GRID2: variants seen among roughly 807,000 people sequenced by gnomAD.
GRID2 encodes glutamate receptor ionotropic, delta-2.
GRID2 carries 33 observed loss-of-function variants against 114.8 expected under a neutral mutation model. The ratio of observed to expected loss-of-function variants is 0.29; its 90% CI spans 0.22 to 0.38. GRID2 has a LOEUF of 0.38. Ranked by LOEUF, GRID2 falls within the 10% of genes least tolerant of loss-of-function variation. GRID2 has a pLI of 1.00. For missense variants in GRID2, 1,184 were observed against 1,257.7 expected, an observed-to-expected ratio of 0.94 and a Z score of 0.89; for synonymous variants, 505 against 449.9, an observed-to-expected ratio of 1.12 and a Z score of -1.55.
chr4:92,731,870 A>G (rs1445700028), intron 2 of GRID2, among the ~76,000 whole-genome samples: 1 of 151,952 alleles, frequency 6.6e-6, no homozygotes, highest in Non-Finnish European at 1.5e-5. Context: ...TTTGACCATC[A>G]CAATTTTATA....
At chr4:92,644,834 A>G (rs1425753794) in intron 2 of GRID2, among the ~76,000 whole-genome samples, 5 of 151,708 alleles carry the variant, frequency 3.3e-5, no homozygotes, top group Non-Finnish European at 7.4e-5. Flanking sequence ...TATAAGTCAA[A>G]ATACTACATC....
chr4:92,317,346 T>G (rs1382480287), intron 1 of GRID2, among the ~76,000 whole-genome samples: 1 of 152,192 alleles, frequency 6.6e-6, no homozygotes, highest in Non-Finnish European at 1.5e-5. Flanking sequence ...GGCATAACTA[T>G]TATTAGGAAA....
At chr4:93,617,371 G>A (rs749191252) in intron 13 of GRID2, among the ~76,000 whole-genome samples, 2 of 152,200 alleles carry the variant, frequency 1.3e-5, no homozygotes, top group Non-Finnish European at 2.9e-5. Flanking sequence ...GGGAGACACA[G>A]AATCTTTTGA....
intron 14 of GRID2, among the ~76,000 whole-genome samples, chr4:93,628,426 G>A (rs1742927923): frequency 6.6e-6 from 1 of 152,052 alleles, no homozygotes; most frequent in Non-Finnish European, 1.5e-5. Flanking sequence ...ACAGCATACA[G>A]AGTAGTTAAG....
intron 1 of GRID2, among the ~76,000 whole-genome samples, chr4:92,540,743 C>T (rs1191126852): frequency 6.6e-6 from 1 of 152,132 alleles, no homozygotes; most frequent in African/African-American, 2.4e-5. Flanking sequence ...GGCAATTCCT[C>T]AGGGATCTAG....
rs574186489 is a variant in GRID2 at position 92,443,029 on chromosome 4, G to A, written c.88+138285G>A. 5.9e-5 allele frequency among the ~76,000 whole-genome samples: 9 copies of A among 151,784 alleles called. No individual in the cohort carries two copies. In the East Asian group the frequency reaches 1.6e-3, roughly 26 times the overall value. On this transcript the variant is annotated intron_variant, in intron 1 of 15. Transcript: ENST00000282020. ...TGGCGAGGAGCAGCCTGGGGAGGAA[G>A]GGAGAGGTCAGATGGGTCTGTAGAA...
At chr4:92,700,485 T>C (rs1344344012) in intron 2 of GRID2, among the ~76,000 whole-genome samples, 1 of 152,202 alleles carries the variant, frequency 6.6e-6, no homozygotes. Flanking sequence ...GGGGGAAATG[T>C]GCATAGTAGG....
chr4:92,884,928 G>T, intron 2 of GRID2: 1 of 341,646 alleles, frequency 2.9e-6, no homozygotes, highest in South Asian at 2.6e-5. Flanking sequence ...GTGACATTTG[G>T]TCTCCCCAAA....
chr4:92,442,449 T>C (rs1204629326), intron 1 of GRID2, among the ~76,000 whole-genome samples: 1 of 152,016 alleles, frequency 6.6e-6, no homozygotes, highest in African/African-American at 2.4e-5. Context: ...GAGGAGGTTC[T>C]GGAGGAACGC....
chr4:92,631,831 C>T (rs1002981489), intron 2 of GRID2, among the ~76,000 whole-genome samples: 7 of 152,018 alleles, frequency 4.6e-5, no homozygotes, highest in Admixed American at 6.6e-5. Context: ...TTCATTTAGT[C>T]GCAAGAGAAA....
chr4:92,813,135 T>C (rs943958718), intron 2 of GRID2, among the ~76,000 whole-genome samples: 2 of 152,152 alleles, frequency 1.3e-5, no homozygotes, highest in African/African-American at 4.8e-5. Flanking sequence ...GTTTACAATA[T>C]GGACTGTGAA....
rs142712889 is a variant in GRID2 at position 93,231,319 on chromosome 4, T to C, written c.1125+6544T>C. 4.9e-3 allele frequency among the ~76,000 whole-genome samples: 736 copies of C among 151,100 alleles called. 7 individuals are homozygous for C. The highest frequency in any genetic ancestry group is 0.017 in the African/African-American group (710 of 41,154). On this transcript the variant is annotated intron_variant, in intron 7 of 15. Coordinates refer to ENST00000282020, the MANE Select transcript of GRID2 (RefSeq NM_001510.4). ...ATGTATTAATCACTCTTTTAACAGG[T>C]ATTTATCAAATTTCTATATTGTAGA...
chr4:93,237,575 G>T (rs1366151079), intron 7 of GRID2, among the ~76,000 whole-genome samples: 1 of 151,848 alleles, frequency 6.6e-6, no homozygotes, highest in Admixed American at 6.6e-5. Context: ...AAAATTTTAA[G>T]TTAGACATAT....
At chr4:93,299,227 T>C (rs1044985302) in intron 8 of GRID2, among the ~76,000 whole-genome samples, 5 of 152,096 alleles carry the variant, frequency 3.3e-5, no homozygotes, top group Non-Finnish European at 5.9e-5. Flanking sequence ...CCACTATGCA[T>C]TCAGGTAGTT....
chr4:92,572,748 A>G (rs1365164929), intron 1 of GRID2, among the ~76,000 whole-genome samples: 3 of 152,052 alleles, frequency 2.0e-5, no homozygotes, highest in Admixed American at 1.3e-4. Flanking sequence ...GTATTTTCAC[A>G]TAGATGTTCA....
At chr4:92,366,039 A>G (rs1321346018) in intron 1 of GRID2, among the ~76,000 whole-genome samples, 2 of 152,090 alleles carry the variant, frequency 1.3e-5, no homozygotes, top group Non-Finnish European at 2.9e-5. Context: ...ACTGTTATGT[A>G]TTATTACTAT....
intron 9 of GRID2, among the ~76,000 whole-genome samples, chr4:93,405,968 T>G (rs1456534338): frequency 6.6e-6 from 1 of 152,224 alleles, no homozygotes; most frequent in Non-Finnish European, 1.5e-5. Flanking sequence ...TCTAGCTTAC[T>G]AATAAATCTC....
intron 8 of GRID2, among the ~76,000 whole-genome samples, chr4:93,332,958 C>T (rs1758654791): frequency 6.6e-6 from 1 of 152,100 alleles, no homozygotes; most frequent in Non-Finnish European, 1.5e-5. Flanking sequence ...AGCAATTTCT[C>T]CAACCATACT....
chr4:93,362,506 T>C (rs1165930392), intron 8 of GRID2, among the ~76,000 whole-genome samples: 2 of 152,024 alleles, frequency 1.3e-5, no homozygotes, highest in Admixed American at 6.6e-5. Context: ...TTTTTTCTTT[T>C]ACCCTTTACA....
Sources: gnomAD v4.1 joint callset for allele counts (sites outside exome capture counted in the v4.1 genomes callset) on GRCh38, gnomAD v4.1.1 for gene constraint, MANE v1.5 for transcripts, NCBI Gene and HGNC (gene_info 2026-07-23, HGNC 2026-07-21) for gene names.